Variants in UBAC2 observed in about 807,000 individuals in gnomAD.
The protein encoded by UBAC2 is UBA domain containing 2.
Under a neutral mutation model 44.0 loss-of-function variants are expected in UBAC2, and 26 were observed. The observed-to-expected ratio is 0.59, with a 90% CI of 0.43 to 0.82. The LOEUF (loss-of-function observed/expected upper bound fraction) is 0.82, where lower values mean the gene tolerates loss of function less well. UBAC2 is among the 40% of genes least tolerant of loss of function. The probability of loss-of-function intolerance (pLI) is 0.00; values close to 1 mark genes in which losing one functional copy is unlikely to be tolerated. For missense variants in UBAC2, 329 were observed against 419.4 expected, an observed-to-expected ratio of 0.78 and a Z score of 1.88; for synonymous variants, 155 against 154.3, an observed-to-expected ratio of 1.00 and a Z score of -0.04.
intron 7 of UBAC2, among the ~76,000 whole-genome samples, chr13:99,346,735 C>T (rs748642989): frequency 6.6e-6 from 1 of 152,182 alleles, no homozygotes; most frequent in Non-Finnish European, 1.5e-5. Context: ...TCCCAGGGCT[C>T]TCTCTGCCCC....
rs764012022 is a variant in UBAC2, at chr13:99,385,331, A to G, written c.1031A>G (p.His344Arg). Residue 344 changes from histidine (H) to arginine (R), a missense_variant, in exon 9 of 9, where the codon CAC (histidine) becomes CGC (arginine). Transcript: ENST00000403766. ...LNVATNFLLQ[H>R] ...GTCGCCACCAACTTCCTGCTGCAGC[A>G]CTGATAGTCCCAGGCCAACACTGGG... is the stretch of plus-strand genomic sequence containing the variant. 6 of 1,613,512 alleles carry G rather than the reference A, an allele frequency of 3.7e-6. No individual in the cohort carries two copies. In the South Asian group the frequency reaches 5.5e-5, roughly 15 times the overall value.
chr13:99,373,260 T>C (rs1192074110), intron 8 of UBAC2, among the ~76,000 whole-genome samples: 1 of 152,020 alleles, frequency 6.6e-6, no homozygotes, highest in Non-Finnish European at 1.5e-5. Flanking sequence ...TCATATTTGC[T>C]TCTGATTTTT....
intron 1 of UBAC2, among the ~76,000 whole-genome samples, chr13:99,205,090 G>A (rs1388885216): frequency 6.6e-6 from 1 of 152,140 alleles, no homozygotes; most frequent in Non-Finnish European, 1.5e-5. Flanking sequence ...TTTTGCTAGA[G>A]ACAGGGTTTC....
In UBAC2 at chr13:99,294,955, A is replaced by G. The variant is rs58716363; in HGVS notation, c.390-19142A>G. 840 of 1,315,922 alleles carry G rather than the reference A, an allele frequency of 6.4e-4. 9 individuals carry two copies. In the African/African-American group the frequency reaches 0.012, roughly 18 times the overall value. 81.5% of individuals were successfully genotyped at this position (1,315,922 alleles called of 1,614,324 possible). A position where few individuals can be genotyped will look rare whatever the true frequency, so the allele number is the denominator to read the frequency against. ...GGAAAGTGCCCAATGAAAGAAATAT[A>G]AAAGAATACTAATTGGAAGCTGAAC... On this transcript the variant is annotated intron_variant, in intron 4 of 8. Coordinates refer to ENST00000403766, the MANE Select transcript of UBAC2 (RefSeq NM_001144072.2).
At chr13:99,366,567 T>A (rs1265124632) in intron 7 of UBAC2, among the ~76,000 whole-genome samples, 2 of 152,222 alleles carry the variant, frequency 1.3e-5, no homozygotes, top group African/African-American at 4.8e-5. Context: ...CTGTGGTTCT[T>A]AATTCTCAGG....
chr13:99,360,704 A>G (rs2045253897), intron 7 of UBAC2, among the ~76,000 whole-genome samples: 1 of 152,122 alleles, frequency 6.6e-6, no homozygotes. Context: ...ATTCAGCCCC[A>G]GCCCCATCCT....
intron 6 of UBAC2, among the ~76,000 whole-genome samples, chr13:99,327,000 A>G (rs1449272235): frequency 2.6e-5 from 4 of 152,134 alleles, no homozygotes; most frequent in Non-Finnish European, 4.4e-5. Context: ...AGCCAAGGAA[A>G]ATTTTTTCTC....
chr13:99,236,712 TG>T (rs1566460511), intron 1 of UBAC2, among the ~76,000 whole-genome samples: 5 of 152,056 alleles, frequency 3.3e-5, no homozygotes, highest in Admixed American at 1.3e-4. Context: ...TAGCTGGGCA[TG>T]GTGGTGGGTG....
chr13:99,245,838 A>G (rs1196820068), intron 4 of UBAC2, among the ~76,000 whole-genome samples: 1 of 152,128 alleles, frequency 6.6e-6, no homozygotes, highest in Non-Finnish European at 1.5e-5. Flanking sequence ...CCGCCTCAAA[A>G]AACAAACAAA....
intron 6 of UBAC2, among the ~76,000 whole-genome samples, chr13:99,335,919 C>CCT (rs2044782572): frequency 6.6e-6 from 1 of 151,648 alleles, no homozygotes; most frequent in Non-Finnish European, 1.5e-5. Flanking sequence ...CTTAGGGAGG[C>CCT]AGAGGCAGGA....
chr13:99,201,192 G>A (rs192598190), intron 1 of UBAC2: 30 of 1,419,342 alleles, frequency 2.1e-5, no homozygotes, highest in Non-Finnish European at 2.7e-5. Flanking sequence ...CAGGTGCTCT[G>A]CCCAGGAGTC....
chr13:99,277,033 A>G (rs1264974415), intron 4 of UBAC2, among the ~76,000 whole-genome samples: 2 of 152,080 alleles, frequency 1.3e-5, no homozygotes, highest in Non-Finnish European at 1.5e-5. Context: ...GTGGCTTAGT[A>G]TTTGGTTTTC....
chr13:99,353,644 G>A (rs2138862313), intron 7 of UBAC2, among the ~76,000 whole-genome samples: 1 of 152,262 alleles, frequency 6.6e-6, no homozygotes, highest in East Asian at 1.9e-4. Context: ...AATGAATTTA[G>A]AGATGTACTC....
chr13:99,241,657 T>C (rs928806822), intron 2 of UBAC2, among the ~76,000 whole-genome samples: 4 of 152,008 alleles, frequency 2.6e-5, no homozygotes, highest in African/African-American at 4.8e-5. Context: ...TAGATAGTGG[T>C]GATGGGTGTA....
chr13:99,267,430 A>T (rs2138657643), intron 4 of UBAC2, among the ~76,000 whole-genome samples: 1 of 152,322 alleles, frequency 6.6e-6, no homozygotes, highest in Non-Finnish European at 1.5e-5. Flanking sequence ...AGATTTCTAA[A>T]TGGTGAGGGG....
intron 1 of UBAC2, among the ~76,000 whole-genome samples, chr13:99,211,820 T>C (rs1673201910): frequency 6.6e-6 from 1 of 152,210 alleles, no homozygotes; most frequent in Non-Finnish European, 1.5e-5. Context: ...CTCAGGTTAG[T>C]GTAGAGCTTG....
intron 1 of UBAC2, among the ~76,000 whole-genome samples, chr13:99,232,398 A>G (rs2043182620): frequency 9.9e-6 from 1 of 101,040 alleles, no homozygotes; most frequent in Admixed American, 9.0e-5. Context: ...CTTAGTTGAG[A>G]GATATAGATA....
At chr13:99,352,899 G>T (rs573311423) in intron 7 of UBAC2, among the ~76,000 whole-genome samples, 39 of 152,296 alleles carry the variant, frequency 2.6e-4, no homozygotes, top group African/African-American at 8.9e-4. Context: ...CTGTGTCCGG[G>T]GTAGGGGCAG....
intron 1 of UBAC2, among the ~76,000 whole-genome samples, chr13:99,224,340 C>T (rs1329979071): frequency 6.6e-6 from 1 of 152,162 alleles, no homozygotes; most frequent in African/African-American, 2.4e-5. Flanking sequence ...CTTTAAAGGG[C>T]CTATCTCCAA....
Sources: allele counts gnomAD v4.1 joint callset (sites outside exome capture counted in the v4.1 genomes callset), GRCh38; gene constraint gnomAD v4.1.1; transcripts MANE v1.5; gene names NCBI Gene and HGNC (gene_info 2026-07-23, HGNC 2026-07-21).